VRK3: variants seen among roughly 807,000 people sequenced by gnomAD.
VRK3 encodes VRK serine/threonine kinase 3.
In VRK3, 50 loss-of-function variants were observed where a neutral mutation model predicts 60.4. The observed-to-expected ratio is 0.83, with a 90% CI of 0.66 to 1.05. VRK3 has a LOEUF of 1.05. Among genes scored for constraint, VRK3 ranks in the 50% least tolerant of loss-of-function variants. VRK3 has a pLI of 0.00. For synonymous variants in VRK3, 246 were observed against 227.8 expected, an observed-to-expected ratio of 1.08 and a Z score of -0.72; for missense variants, 549 against 585.3, an observed-to-expected ratio of 0.94 and a Z score of 0.64.
intron 3 of VRK3, among the ~76,000 whole-genome samples, chr19:50,013,670 C>T (rs2077030842): frequency 6.6e-6 from 1 of 152,184 alleles, no homozygotes; most frequent in Non-Finnish European, 1.5e-5. Context: ...TTAATTCATT[C>T]AACCAGTCAG....
intron 10 of VRK3, among the ~76,000 whole-genome samples, chr19:49,990,546 G>A (rs1056233917): frequency 6.6e-5 from 10 of 151,540 alleles, no homozygotes; most frequent in South Asian, 4.2e-4. Flanking sequence ...ATGCCCAGCC[G>A]ATTTTTTGTA....
intron 4 of VRK3, among the ~76,000 whole-genome samples, chr19:50,008,528 T>C (rs1325900175): frequency 6.6e-6 from 1 of 152,070 alleles, no homozygotes; most frequent in Non-Finnish European, 1.5e-5. Context: ...AGGGGCTCAG[T>C]GAACAGGAGA....
At chr19:50,007,879 A>C in intron 4 of VRK3, 53 bp from the exon 5 acceptor site, 1 of 1,604,780 alleles carries the variant, frequency 6.2e-7, no homozygotes, top group African/African-American at 1.3e-5. Flanking sequence ...GAGAAAAGTT[A>C]GATGGGGAGT....
chr19:49,984,827 G>A (rs140356267), intron 12 of VRK3, among the ~76,000 whole-genome samples: 7 of 152,132 alleles, frequency 4.6e-5, no homozygotes, highest in Admixed American at 1.3e-4. Flanking sequence ...GTCTCACCAC[G>A]TTGCCCAGGC....
chr19:50,016,310 T>C (rs1176184184), intron 2 of VRK3, 147 bp from the exon 3 acceptor site: 1 of 1,057,586 alleles, frequency 9.5e-7, no homozygotes, highest in South Asian at 1.5e-5. Flanking sequence ...TCTTAAAACA[T>C]GCAATGGGAA....
chr19:49,995,356 C>G, intron 7 of VRK3, 81 bp from the exon 8 acceptor site: 1 of 1,289,366 alleles, frequency 7.8e-7, no homozygotes, highest in Non-Finnish European at 1.1e-6. Flanking sequence ...AGAGAAGAAG[C>G]ACAGAGTGCC....
At chr19:49,984,558 C>G (rs1399302198) in intron 12 of VRK3, among the ~76,000 whole-genome samples, 1 of 152,322 alleles carries the variant, frequency 6.6e-6, no homozygotes. Flanking sequence ...TCTGCCCGAC[C>G]TCTGTGTCCA....
intron 4 of VRK3, among the ~76,000 whole-genome samples, 185 bp from the exon 5 acceptor site, chr19:50,008,011 G>T (rs2076928016): frequency 6.6e-6 from 1 of 152,192 alleles, no homozygotes; most frequent in African/African-American, 2.4e-5. Flanking sequence ...AGTCGGACCT[G>T]CATCCTTCCC....
At chr19:50,003,633 G>A (rs1236036701) in intron 5 of VRK3, among the ~76,000 whole-genome samples, 1 of 152,274 alleles carries the variant, frequency 6.6e-6, no homozygotes, top group Non-Finnish European at 1.5e-5. Flanking sequence ...GTGGGGTAAA[G>A]TGTCCACTGC....
At chr19:50,010,930 A>G (rs1195745034) in intron 3 of VRK3, among the ~76,000 whole-genome samples, 1 of 145,212 alleles carries the variant, frequency 6.9e-6, no homozygotes, top group African/African-American at 2.4e-5. Context: ...AAACAAAAAC[A>G]AAAAACAAAA....
chr19:50,019,719 T>C, intron 2 of VRK3, among the ~76,000 whole-genome samples: 1 of 127,970 alleles, frequency 7.8e-6, no homozygotes, highest in South Asian at 2.6e-4. Context: ...TTTTTACTTT[T>C]TGTAGAGATG....
intron 12 of VRK3, chr19:49,986,464 T>A (rs781194789): frequency 6.5e-6 from 1 of 153,100 alleles, no homozygotes; most frequent in Non-Finnish European, 1.5e-5. Context: ...CAGAGACAGA[T>A]GAGACGCAGA....
At chr19:50,010,431 C>A (rs1177814696) in intron 3 of VRK3, among the ~76,000 whole-genome samples, 1 of 152,172 alleles carries the variant, frequency 6.6e-6, no homozygotes, top group Non-Finnish European at 1.5e-5. Context: ...GGATGTTGAC[C>A]TGTGGTAATT....
At chr19:50,024,942 G>A (rs2077241595) in intron 1 of VRK3, 1 of 152,230 alleles carries the variant, frequency 6.6e-6, no homozygotes. Context: ...GATTGCCTAG[G>A]CGACGACAGA....
At chr19:49,995,427 A>G (rs909603004) in intron 7 of VRK3, 152 bp from the exon 8 acceptor site, 2 of 670,722 alleles carry the variant, frequency 3.0e-6, no homozygotes, top group Admixed American at 2.4e-5. Flanking sequence ...GATGGTGGGA[A>G]GGGGCTGGTG....
chr19:49,986,630 G>A (rs2076520965), intron 12 of VRK3: 1 of 152,308 alleles, frequency 6.6e-6, no homozygotes, highest in Non-Finnish European at 1.5e-5. Flanking sequence ...CACGAAGGGA[G>A]TAAAATAAAA....
At chr19:49,988,956 ACT>A (rs1310411001) in intron 11 of VRK3, among the ~76,000 whole-genome samples, 1 of 151,756 alleles carries the variant, frequency 6.6e-6, no homozygotes, top group Non-Finnish European at 1.5e-5. Flanking sequence ...GGCGGGGGAG[ACT>A]CTGACAGTTT....
rs375016583 is a variant in VRK3 at position 49,979,245 on chromosome 19, G to C, written c.1277-3C>G. 8.7e-6 allele frequency: 14 copies of C among 1,613,964 alleles called. No individual in the cohort carries two copies. On this transcript the variant is annotated splice_region_variant and splice_polypyrimidine_tract_variant and intron_variant, in intron 13 of 14. Transcript: ENST00000316763. ...CTTCAGGTACTTCTGCAGGGTCTCT[G>C]TGGTCAAGACAACCCCCAGCAAGGG... is the stretch of plus-strand genomic sequence containing the variant.
At chr19:49,991,450 G>A (rs1187088555) in intron 10 of VRK3, among the ~76,000 whole-genome samples, 1 of 151,978 alleles carries the variant, frequency 6.6e-6, no homozygotes, top group Non-Finnish European at 1.5e-5. Context: ...TCTCCAGATT[G>A]CAAACTGAAG....
Sources: allele counts gnomAD v4.1 joint callset (sites outside exome capture counted in the v4.1 genomes callset), GRCh38; gene constraint gnomAD v4.1.1; transcripts MANE v1.5; gene names NCBI Gene and HGNC (gene_info 2026-07-23, HGNC 2026-07-21).